Variants in MVK observed in about 807,000 individuals in gnomAD.
MVK encodes the protein mevalonate kinase.
A neutral mutation model predicts 43.2 loss-of-function variants in MVK; 34 were observed. The observed-to-expected ratio is 0.79, with a 90% CI of 0.60 to 1.05. The LOEUF (loss-of-function observed/expected upper bound fraction) is 1.05. MVK is among the 50% of genes least tolerant of loss of function. The pLI is 0.00. For missense variants in MVK, 395 were observed against 504.0 expected (o/e 0.78, Z 2.07); for synonymous variants, 190 against 219.8 (o/e 0.86, Z 1.20).
At chr12:109,584,937 A>G (rs1399293591) in intron 5 of MVK, among the ~76,000 whole-genome samples, 1 of 152,236 alleles carries the variant, frequency 6.6e-6, no homozygotes, top group Non-Finnish European at 1.5e-5. Context: ...CCACTGAGCC[A>G]CATCATTCTC....
intron 1 of MVK, 36 bp from the exon 2 acceptor site, chr12:109,574,773 G>T: frequency 6.6e-7 from 1 of 1,511,108 alleles, no homozygotes; most frequent in East Asian, 2.4e-5. Context: ...CTGACATCTA[G>T]AGATCTTTGC....
Position 109,579,869 on chromosome 12 carries a change from T to G in MVK, c.294T>G (p.Pro98=), listed in dbSNP as rs1566143735. ...VEKLKEVAGL[P]DDCAVTERLA... is the part of the protein sequence containing the mutation. ...AGCTAAAGGAGGTTGCAGGCTTGCCTGACGACTGTGCTGTCACCGAGCGCC... is the reference window on the plus strand; with the variant it reads ...AGCTAAAGGAGGTTGCAGGCTTGCCGGACGACTGTGCTGTCACCGAGCGCC... Residue 98 remains proline (P), a synonymous_variant, in exon 4 of 11, where the codon CCT becomes CCG. Coordinates refer to ENST00000228510, the MANE Select transcript of MVK (RefSeq NM_000431.4). 6.2e-7 allele frequency: 1 copy of G among 1,614,266 alleles called. No individual in the cohort carries two copies. The highest frequency in any genetic ancestry group is 1.1e-5 in the South Asian group (1 of 91,090).
chr12:109,584,051 G>A (rs1457951354), intron 5 of MVK, among the ~76,000 whole-genome samples: 2 of 152,230 alleles, frequency 1.3e-5, no homozygotes, highest in Non-Finnish European at 2.9e-5. Context: ...GAGTAGCACT[G>A]TGATCTCCAG....
intron 5 of MVK, among the ~76,000 whole-genome samples, chr12:109,583,769 C>T (rs530277131): frequency 1.6e-3 from 243 of 152,264 alleles, no homozygotes; most frequent in African/African-American, 5.6e-3. Flanking sequence ...TGTTGAGAAA[C>T]ACCTGCTTTG....
At position 109,581,543 on chromosome 12, in the gene MVK, G is replaced by A. The variant is rs369227329; in HGVS notation, c.520G>A (p.Val174Ile). Residue 174 changes from valine (V) to isoleucine (I), a missense_variant, in exon 5 of 11, where the codon GTC becomes ATC. Coordinates refer to ENST00000228510, the MANE Select transcript of MVK (RefSeq NM_000431.4). Reference sequence around the variant, plus strand: ...AAACCCGCTGAAGGACGGGGATTGCGTCAACAGGTAACCATGGTCCTTACC... The same window carrying A: ...AAACCCGCTGAAGGACGGGGATTGCATCAACAGGTAACCATGGTCCTTACC... ...IPNPLKDGDC[V>I]NRWTKEDLEL... 7.4e-6 allele frequency: 12 copies of A among 1,614,202 alleles called. No homozygotes were observed. The highest frequency in any genetic ancestry group is 3.3e-5 in the South Asian group (3 of 91,090).
chr12:109,584,718 C>A (rs1253788608), intron 5 of MVK, among the ~76,000 whole-genome samples: 1 of 152,126 alleles, frequency 6.6e-6, no homozygotes, highest in African/African-American at 2.4e-5. Context: ...AAACCCATCT[C>A]TACTAAAAAT....
chr12:109,596,705 T>TGGCGATGCCAGCCAAGCTC lies in MVK; in HGVS notation c.*129_*147dup. The TGGCGATGCCAGCCAAGCTC allele has an allele frequency of 1.5e-6, 2 of 1,350,286 alleles. No individual in the cohort carries two copies. The highest frequency in any genetic ancestry group is 2.0e-6 in the Non-Finnish European group (2 of 979,162). 83.6% of individuals were successfully genotyped at this position (1,350,286 alleles called of 1,614,324 possible). A position where few individuals can be genotyped will look rare whatever the true frequency, so the allele number is the denominator to read the frequency against. ...CACTGCTGGAGAGGCCCCAGCCGCT[T>TGGCGATGCCAGCCAAGCTC]GGCGATGCCAGCCAAGCTCTGCAGT... On this transcript the variant is annotated 3_prime_UTR_variant, in exon 11 of 11. Coordinates refer to ENST00000228510, the MANE Select transcript of MVK (RefSeq NM_000431.4).
chr12:109,592,665 T>C (rs1028170123), intron 9 of MVK, among the ~76,000 whole-genome samples: 7 of 152,238 alleles, frequency 4.6e-5, no homozygotes, highest in Non-Finnish European at 1.0e-4. Context: ...ATGTAAAAAC[T>C]GAGGCCTGAA....
At position 109,586,039 on chromosome 12, in the gene MVK, T is replaced by A. The variant is rs1566147222; in HGVS notation, c.545T>A (p.Leu182Ter). 1.2e-6 allele frequency: 2 copies of A among 1,614,114 alleles called. No homozygotes were observed. Among genetic ancestry groups the A allele is most frequent in the Non-Finnish European group, 1.7e-6 (2 of 1,179,932 alleles). Reference sequence around the variant, plus strand: ...GTCTTCAGGTGGACCAAGGAGGATTTGGAGCTAATTAACAAGTGGGCCTTC... The same window carrying A: ...GTCTTCAGGTGGACCAAGGAGGATTAGGAGCTAATTAACAAGTGGGCCTTC... ...DCVNRWTKED[L>*]ELINKWAFQG... Residue 182 changes from leucine (L) to a stop codon, truncating the protein, a stop_gained, in exon 6 of 11, where the codon TTG becomes TAG. Transcript: ENST00000228510. LOFTEE classifies it high-confidence loss of function.
chr12:109,579,295 A>C, intron 3 of MVK: 1 of 385,446 alleles, frequency 2.6e-6, no homozygotes, highest in Non-Finnish European at 5.1e-6. Context: ...GTGCGCCACC[A>C]TGCCTGGCTA....
Position 109,581,536 on chromosome 12 carries a change from G to A in MVK, c.513G>A (p.Gly171=). The change falls in exon 5 of 11, where the codon GGG becomes GGA. Residue 171 remains glycine, a synonymous_variant. Coordinates refer to ENST00000228510, the MANE Select transcript of MVK (RefSeq NM_000431.4). Reference sequence around the variant, plus strand: ...AGATCCCAAACCCGCTGAAGGACGGGGATTGCGTCAACAGGTAACCATGGT... The same window carrying A: ...AGATCCCAAACCCGCTGAAGGACGGAGATTGCGTCAACAGGTAACCATGGT... The part of the protein sequence containing the change: ...CEEIPNPLKD[G]DCVNRWTKED... The A allele has an allele frequency of 6.2e-7, 1 of 1,614,188 alleles. No individual in the cohort carries two copies. Among genetic ancestry groups the A allele is most frequent in the South Asian group, 1.1e-5 (1 of 91,088 alleles).
intron 6 of MVK, among the ~76,000 whole-genome samples, 171 bp downstream of exon 6, chr12:109,586,296 C>T (rs1376776331): frequency 6.6e-6 from 1 of 152,200 alleles, no homozygotes; most frequent in Non-Finnish European, 1.5e-5. Flanking sequence ...GGCCCTGTCT[C>T]ACACCCCCTG....
At chr12:109,591,417 GC>G in intron 9 of MVK, 60 bp downstream of exon 9, 8 of 1,510,026 alleles carry the variant, frequency 5.3e-6, no homozygotes, top group Non-Finnish European at 6.4e-6. Flanking sequence ...CAAGGCAGTG[GC>G]TCTGCAATCT....
intron 4 of MVK, among the ~76,000 whole-genome samples, chr12:109,580,443 C>A (rs1453108001): frequency 6.6e-6 from 1 of 152,024 alleles, no homozygotes; most frequent in East Asian, 1.9e-4. Flanking sequence ...TTGTTTTTGT[C>A]CAGAACCCAA....
At position 109,596,734 on chromosome 12, in the gene MVK, A is replaced by T. The variant is rs975222954; in HGVS notation, c.*157A>T. On this transcript the variant is annotated 3_prime_UTR_variant, in exon 11 of 11. Transcript: ENST00000228510. ...GATGCCAGCCAAGCTCTGCAGTCCC[A>T]GCGGTGGGACCTAGGGAGGCATGGT... 6 of 1,106,162 alleles carry T rather than the reference A, an allele frequency of 5.4e-6. No homozygotes were observed. In the South Asian group the frequency reaches 8.3e-5, roughly 15 times the overall value. 68.5% of individuals were successfully genotyped at this position (1,106,162 alleles called of 1,614,324 possible). A position where few individuals can be genotyped will look rare whatever the true frequency, so the allele number is the denominator to read the frequency against.
rs569206677 is a variant in MVK at position 109,578,357 on chromosome 12, G to A, written c.227-1445G>A. ...AAGTGTTCTTCTGCCTTAGCCTCCCGAGTAGCTGGGAATATAAGCACATAC... is the reference window on the plus strand; with the variant it reads ...AAGTGTTCTTCTGCCTTAGCCTCCCAAGTAGCTGGGAATATAAGCACATAC... On this transcript the variant is annotated intron_variant, in intron 3 of 10. Transcript: ENST00000228510. Among the ~76,000 whole-genome samples, 12 of 151,642 alleles carry A rather than the reference G, an allele frequency of 7.9e-5. No homozygotes were observed. In the East Asian group the frequency reaches 1.6e-3, roughly 20 times the overall value.
intron 5 of MVK, among the ~76,000 whole-genome samples, chr12:109,585,515 G>A (rs1190044661): frequency 1.3e-5 from 2 of 152,138 alleles, no homozygotes; most frequent in African/African-American, 2.4e-5. Flanking sequence ...GGCCAGGTGC[G>A]GTGGCTCATG....
chr12:109,586,178 A>G, intron 6 of MVK, 53 bp downstream of exon 6: 3 of 1,379,002 alleles, frequency 2.2e-6, no homozygotes, highest in South Asian at 2.4e-5. Flanking sequence ...AATTCTTATT[A>G]CAATGGTAGG....
chr12:109,587,812 C>T (rs72648013), intron 7 of MVK: 3,999 of 152,392 alleles, frequency 0.026, 68 homozygotes, highest in South Asian at 0.048. Flanking sequence ...CAAGGCTGTA[C>T]GTCAGAGTTG....
Sources: gnomAD v4.1 joint callset for allele counts (sites outside exome capture counted in the v4.1 genomes callset) on GRCh38, gnomAD v4.1.1 for gene constraint, MANE v1.5 for transcripts, NCBI Gene and HGNC (gene_info 2026-07-23, HGNC 2026-07-21) for gene names.